Variants in PPP1R13B observed in about 807,000 individuals in gnomAD.
PPP1R13B encodes the protein protein phosphatase 1 regulatory subunit 13B, also known as apoptosis-stimulating of p53 protein 1.
Under a neutral mutation model 119.8 loss-of-function variants are expected in PPP1R13B, and 44 were observed. The observed-to-expected ratio is 0.37, with a 90% CI of 0.29 to 0.47. PPP1R13B has a LOEUF of 0.47. Among genes scored for constraint, PPP1R13B ranks in the 20% least tolerant of loss-of-function variants. The probability of loss-of-function intolerance (pLI) is 0.99; values close to 1 mark genes in which losing one functional copy is unlikely to be tolerated. For synonymous variants in PPP1R13B, 542 were observed against 561.5 expected (o/e 0.97, Z 0.49); for missense variants, 1,227 against 1,413.5 (o/e 0.87, Z 2.12).
chr14:103,840,133 C>T (rs1218124291), intron 1 of PPP1R13B: 3 of 152,168 alleles, frequency 2.0e-5, no homozygotes, highest in Admixed American at 2.0e-4. Context: ...TAAAGCAAAG[C>T]AATCAAGCCA....
chr14:103,787,060 G>T (rs906674528), intron 2 of PPP1R13B, among the ~76,000 whole-genome samples: 2 of 151,638 alleles, frequency 1.3e-5, no homozygotes, highest in African/African-American at 4.9e-5. Context: ...CACCATGTTG[G>T]CCAGGCTGGT....
chr14:103,749,325 C>G (rs571125348), intron 8 of PPP1R13B, among the ~76,000 whole-genome samples: 1 of 152,214 alleles, frequency 6.6e-6, no homozygotes, highest in South Asian at 2.1e-4. Context: ...GCATTTTGGT[C>G]AAGAGTTTAC....
intron 11 of PPP1R13B, 123 bp downstream of exon 11, chr14:103,741,667 T>C (rs1203538628): frequency 1.6e-6 from 2 of 1,257,864 alleles, no homozygotes; most frequent in Non-Finnish European, 2.2e-6. Context: ...TGTACTTTTA[T>C]GTAAGAATTA....
rs370644165 is a variant in PPP1R13B, at chr14:103,804,246, G to A, written c.10-6728C>T. 6.6e-4 allele frequency among the ~76,000 whole-genome samples: 100 copies of A among 152,208 alleles called. 1 individual carries two copies. The highest frequency in any genetic ancestry group is 6.0e-3 in the Admixed American group (92 of 15,278). On this transcript the variant is annotated intron_variant, in intron 1 of 16. Coordinates refer to ENST00000202556, the MANE Select transcript of PPP1R13B (RefSeq NM_015316.3). ...CAACCATTATTAAGTAGCTTAAGAC[G>A]TCATCTTACCCTTGCTTTCAGGAAC...
chr14:103,841,457 G>A (rs1458966057), intron 1 of PPP1R13B, among the ~76,000 whole-genome samples: 1 of 152,048 alleles, frequency 6.6e-6, no homozygotes, highest in Non-Finnish European at 1.5e-5. Flanking sequence ...AGGCATGGTG[G>A]CGGGCGCCTG....
At chr14:103,776,186 GAGGAAGGA>G (rs1307197386) in intron 4 of PPP1R13B, among the ~76,000 whole-genome samples, 2,205 of 75,974 alleles carry the variant, frequency 0.029, 62 homozygotes, top group Non-Finnish European at 0.036. Flanking sequence ...GGGAGGGAGG[GAGGAAGGA>G]AGGAAGGAAG....
chr14:103,737,973 T>A (rs563792541), intron 14 of PPP1R13B, 113 bp from the exon 15 acceptor site: 1 of 1,228,200 alleles, frequency 8.1e-7, no homozygotes, highest in Non-Finnish European at 1.1e-6. Flanking sequence ...CTTTGTGCCA[T>A]CAAGTCTCAG....
In PPP1R13B at chr14:103,736,477, G is replaced by T. The variant is rs1285344217; in HGVS notation, c.3032-275C>A. ...CTGAGCCCCAGGGCAAGAGTGTGCT[G>T]TTCTTAAGGTGACGCTTAGCAATCA... is the stretch of plus-strand genomic sequence containing the variant. On this transcript the variant is annotated intron_variant, in intron 15 of 16. Transcript: ENST00000202556. 3.0e-5 allele frequency: 16 copies of T among 532,490 alleles called. No individual in the cohort carries two copies. The East Asian group carries it at 4.9e-4, about 16-fold the overall frequency. The allele number at this position is 532,490 out of a possible 1,614,324, so 33.0% of individuals were successfully genotyped here. A position where few individuals can be genotyped will look rare whatever the true frequency, so the allele number is the denominator to read the frequency against.
intron 4 of PPP1R13B, among the ~76,000 whole-genome samples, chr14:103,774,484 C>T (rs754167039): frequency 7.2e-5 from 11 of 152,200 alleles, no homozygotes; most frequent in Non-Finnish European, 1.5e-4. Context: ...GAGAACAAAT[C>T]AATTTGCCTT....
intron 4 of PPP1R13B, chr14:103,762,963 C>A: frequency 8.9e-7 from 1 of 1,118,086 alleles, no homozygotes; most frequent in East Asian, 2.5e-5. Context: ...ATAAAAGTAC[C>A]AGCCTCTCAG....
intron 1 of PPP1R13B, among the ~76,000 whole-genome samples, chr14:103,809,675 A>G (rs1390869108): frequency 6.6e-6 from 1 of 151,900 alleles, no homozygotes; most frequent in African/African-American, 2.4e-5. Flanking sequence ...ACAAAAAATT[A>G]GCCAGGCATG....
chr14:103,741,066 C>A (rs1418030607), intron 11 of PPP1R13B, among the ~76,000 whole-genome samples: 1 of 152,196 alleles, frequency 6.6e-6, no homozygotes, highest in Non-Finnish European at 1.5e-5. Context: ...CAGAACCCTC[C>A]CCACAAGGGA....
chr14:103,847,328 C>T lies in PPP1R13B; in HGVS notation c.-21G>A. On this transcript the variant is annotated 5_prime_UTR_variant, in exon 1 of 17. Transcript: ENST00000202556. ...ATCATCGCGGGGAGAGTCCGCGACG[C>T]CCTCGGCCGCCGCCTGACAGGACGC... 1.6e-6 allele frequency: 2 copies of T among 1,239,726 alleles called. No homozygotes were observed. Among genetic ancestry groups the T allele is most frequent in the South Asian group, 3.5e-5 (2 of 57,688 alleles). The allele number at this position is 1,239,726 out of a possible 1,614,324, so 76.8% of individuals were successfully genotyped here.
intron 1 of PPP1R13B, among the ~76,000 whole-genome samples, chr14:103,834,484 CT>C (rs1382969890): frequency 6.6e-6 from 1 of 151,742 alleles, no homozygotes; most frequent in East Asian, 1.9e-4. Flanking sequence ...GGCTTTTCAG[CT>C]GACTGACAGG....
Position 103,797,346 on chromosome 14 carries a change from A to T in PPP1R13B, c.157+25T>A, listed in dbSNP as rs772366767. 1.9e-5 allele frequency: 29 copies of T among 1,566,098 alleles called. No individual in the cohort carries two copies. The East Asian group carries it at 6.2e-4, about 34-fold the overall frequency. ...GGTGATTTGATTTTATCAATGTAAC[A>T]ATCTTTACAGGACCTAATACATACC... On this transcript the variant is annotated intron_variant, in intron 2 of 16. Transcript: ENST00000202556.
At chr14:103,798,721 G>A (rs536998678) in intron 1 of PPP1R13B, among the ~76,000 whole-genome samples, 1 of 151,852 alleles carries the variant, frequency 6.6e-6, no homozygotes, top group East Asian at 1.9e-4. Flanking sequence ...TTATTTTTTT[G>A]AGACAGGGTC....
rs780381877 is a variant in PPP1R13B, at chr14:103,739,035, G to A, written c.2593-12C>T. On this transcript the variant is annotated splice_polypyrimidine_tract_variant and intron_variant, in intron 12 of 16. Transcript: ENST00000202556. ...TTGGTCCGCTTGTTCTGTTGGGAAGGAAGCACGCTTTCCAGTTAAAGGTGG... is the reference window on the plus strand; with the variant it reads ...TTGGTCCGCTTGTTCTGTTGGGAAGAAAGCACGCTTTCCAGTTAAAGGTGG... The A allele has an allele frequency of 6.2e-7, 1 of 1,609,110 alleles. No individual in the cohort carries two copies. The highest frequency in any genetic ancestry group is 8.5e-7 in the Non-Finnish European group (1 of 1,177,154).
chr14:103,766,962 A>G (rs1304579729), intron 4 of PPP1R13B, among the ~76,000 whole-genome samples: 1 of 152,212 alleles, frequency 6.6e-6, no homozygotes, highest in African/African-American at 2.4e-5. Context: ...GAATAAAACA[A>G]TTTTAAAACT....
chr14:103,815,290 C>T (rs557529734), intron 1 of PPP1R13B, among the ~76,000 whole-genome samples: 2 of 151,864 alleles, frequency 1.3e-5, no homozygotes, highest in Admixed American at 6.6e-5. Flanking sequence ...AAGGAGAGAG[C>T]GGGAGTGACT....
Sources: allele counts gnomAD v4.1 joint callset (sites outside exome capture counted in the v4.1 genomes callset), GRCh38; gene constraint gnomAD v4.1.1; transcripts MANE v1.5; gene names NCBI Gene and HGNC (gene_info 2026-07-23, HGNC 2026-07-21).